Variants in FGD3 observed in about 807,000 individuals in gnomAD.
FGD3 encodes the protein FYVE, RhoGEF and PH domain containing 3.
A neutral mutation model predicts 71.8 loss-of-function variants in FGD3; 45 were observed. That is an observed-to-expected ratio of 0.63 (90% CI 0.49 to 0.80). FGD3 has a LOEUF of 0.80. FGD3 is among the 30% of genes least tolerant of loss of function. FGD3 has a pLI of 0.00. For missense variants in FGD3, 844 were observed against 951.5 expected (o/e 0.89, Z 1.49); for synonymous variants, 378 against 392.8 (o/e 0.96, Z 0.44).
chr9:92,957,381 A>T (rs1034933460), intron 1 of FGD3, among the ~76,000 whole-genome samples: 1 of 152,230 alleles, frequency 6.6e-6, no homozygotes, highest in South Asian at 2.1e-4. Flanking sequence ...TGGCATTGTC[A>T]GTCTTTTTCA....
intron 3 of FGD3, among the ~76,000 whole-genome samples, chr9:92,977,398 G>A (rs1859805375): frequency 6.6e-6 from 1 of 152,142 alleles, no homozygotes; most frequent in African/African-American, 2.4e-5. Context: ...GGGTATGGGG[G>A]GCACAGCTTG....
At chr9:93,028,037 G>A (rs1862189013) in intron 14 of FGD3, among the ~76,000 whole-genome samples, 1 of 151,974 alleles carries the variant, frequency 6.6e-6, no homozygotes, top group Admixed American at 6.6e-5. Flanking sequence ...CCTTAAACCT[G>A]AAGAGTTTAT....
chr9:92,974,117 G>A lies in FGD3; in HGVS notation c.-217-1121G>A, dbSNP rs1197006172. Among the ~76,000 whole-genome samples, 3 of 151,908 alleles carry A rather than the reference G, an allele frequency of 2.0e-5. 1 individual carries two copies. Among genetic ancestry groups the A allele is most frequent in the Non-Finnish European group, 4.4e-5 (3 of 67,966 alleles). Reference sequence around the variant, plus strand: ...TTGTCCATTTTTGTTGTTGTTCCAGGTGAGAGTAAATCTGGTTTCTATTAC... The same window carrying A: ...TTGTCCATTTTTGTTGTTGTTCCAGATGAGAGTAAATCTGGTTTCTATTAC... On this transcript the variant is annotated intron_variant, in intron 1 of 17. Coordinates refer to ENST00000375482, the MANE Select transcript of FGD3 (RefSeq NM_001083536.2).
At chr9:93,030,081 A>C (rs1587873610) in intron 15 of FGD3, 85 bp downstream of exon 15, 1 of 1,507,226 alleles carries the variant, frequency 6.6e-7, no homozygotes, top group African/African-American at 1.4e-5. Flanking sequence ...CCAGCAGCAC[A>C]CCAGCCATGC....
chr9:92,992,414 T>TC (rs1227039066), intron 3 of FGD3, among the ~76,000 whole-genome samples: 1 of 152,224 alleles, frequency 6.6e-6, no homozygotes, highest in African/African-American at 2.4e-5. Flanking sequence ...ATAAGACTGG[T>TC]CTAGTGGTGA....
At chr9:92,979,675 A>C (rs1859909782) in intron 3 of FGD3, among the ~76,000 whole-genome samples, 1 of 152,038 alleles carries the variant, frequency 6.6e-6, no homozygotes, top group Non-Finnish European at 1.5e-5. Flanking sequence ...TTTCAGGAGG[A>C]TTGGTTTTAT....
intron 3 of FGD3, among the ~76,000 whole-genome samples, chr9:92,988,502 C>T (rs940397423): frequency 4.2e-4 from 64 of 152,158 alleles, no homozygotes; most frequent in Admixed American, 3.9e-3. Context: ...CCTGGTGTGG[C>T]GGGGCCCCTG....
At chr9:93,029,001 T>TTTTTTTG (rs2118832260) in intron 14 of FGD3, among the ~76,000 whole-genome samples, 1 of 27,776 alleles carries the variant, frequency 3.6e-5, no homozygotes, top group Admixed American at 3.9e-4. Flanking sequence ...CACAGTTTTT[T>TTTTTTTG]TTTTTTTTTT....
intron 3 of FGD3, among the ~76,000 whole-genome samples, chr9:92,981,232 G>A: frequency 6.6e-6 from 1 of 151,748 alleles, no homozygotes; most frequent in Non-Finnish European, 1.5e-5. Context: ...GCCAGGCGTG[G>A]TGGTGGGCAC....
At chr9:92,963,563 G>A (rs1299623666) in intron 1 of FGD3, among the ~76,000 whole-genome samples, 1 of 152,212 alleles carries the variant, frequency 6.6e-6, no homozygotes, top group African/African-American at 2.4e-5. Context: ...GCCTCCCAAA[G>A]TGCTGGGATT....
intron 3 of FGD3, among the ~76,000 whole-genome samples, chr9:92,981,529 G>A (rs1042808085): frequency 6.6e-6 from 1 of 152,104 alleles, no homozygotes; most frequent in Non-Finnish European, 1.5e-5. Flanking sequence ...TGGGCAGCGT[G>A]TTCTGTAATT....
chr9:93,004,443 A>G (rs1860975590), intron 5 of FGD3, among the ~76,000 whole-genome samples: 1 of 152,206 alleles, frequency 6.6e-6, no homozygotes, highest in Non-Finnish European at 1.5e-5. Flanking sequence ...CACACAGTGG[A>G]TAGTGCTAGT....
At chr9:92,977,195 G>A (rs1859793915) in intron 3 of FGD3, among the ~76,000 whole-genome samples, 1 of 152,216 alleles carries the variant, frequency 6.6e-6, no homozygotes, top group Admixed American at 6.5e-5. Context: ...TGCTCTTCAG[G>A]ACATGGTGGG....
chr9:92,970,361 T>C (rs1440910981), intron 1 of FGD3, among the ~76,000 whole-genome samples: 1 of 152,236 alleles, frequency 6.6e-6, no homozygotes, highest in African/African-American at 2.4e-5. Flanking sequence ...AGAGAGTTTA[T>C]TCAAGCACAA....
Position 93,030,442 on chromosome 9 carries a change from G to A in FGD3, c.1680+446G>A, listed in dbSNP as rs527640399. Among the ~76,000 whole-genome samples the A allele has an allele frequency of 1.7e-3, 263 of 152,242 alleles. 1 individual carries two copies. The highest frequency in any genetic ancestry group is 5.6e-3 in the African/African-American group (231 of 41,534). ...TGATGAGGCAATGCCTCCGACTGGC[G>A]CCCCAGCTGCACACCATCTCCATTC... On this transcript the variant is annotated intron_variant, in intron 15 of 17. Transcript: ENST00000375482.
chr9:93,006,960 C>G (rs1259780624), intron 6 of FGD3, among the ~76,000 whole-genome samples: 1 of 151,724 alleles, frequency 6.6e-6, no homozygotes, highest in Non-Finnish European at 1.5e-5. Context: ...ATCTCCTGAC[C>G]TCATGATCCG....
intron 14 of FGD3, among the ~76,000 whole-genome samples, chr9:93,027,850 T>C (rs1862177745): frequency 6.7e-6 from 1 of 149,766 alleles, no homozygotes; most frequent in African/African-American, 2.5e-5. Flanking sequence ...CCCCCAAATA[T>C]CTGGGACTAC....
rs74335649 is a variant in FGD3, at chr9:92,952,185, A to G, written c.-218+4456A>G. On this transcript the variant is annotated intron_variant, in intron 1 of 17. Coordinates refer to ENST00000375482, the MANE Select transcript of FGD3 (RefSeq NM_001083536.2). ...GGGTGACCAGAGCACATCTCTGTTT[A>G]TTTTCAAGTATGCAAAGGATATATA... Among the ~76,000 whole-genome samples, 991 of 149,820 alleles carry G rather than the reference A, an allele frequency of 6.6e-3. 8 individuals are homozygous for G. Among genetic ancestry groups the G allele is most frequent in the African/African-American group, 0.023 (930 of 40,650 alleles).
At chr9:93,014,329 G>A (rs747082166) in intron 9 of FGD3, among the ~76,000 whole-genome samples, 2 of 152,112 alleles carry the variant, frequency 1.3e-5, no homozygotes, top group African/African-American at 2.4e-5. Context: ...ACAGAGAACT[G>A]TAGCAGTGAA....
Sources: gnomAD v4.1 joint callset for allele counts (sites outside exome capture counted in the v4.1 genomes callset) on GRCh38, gnomAD v4.1.1 for gene constraint, MANE v1.5 for transcripts, NCBI Gene and HGNC (gene_info 2026-07-23, HGNC 2026-07-21) for gene names.